Variants in CD9 observed in about 807,000 individuals in gnomAD.
The protein encoded by CD9 is CD9 antigen.
Under a neutral mutation model 31.4 loss-of-function variants are expected in CD9, and 10 were observed. That is an observed-to-expected ratio of 0.32 (90% CI 0.20 to 0.54). CD9 has a LOEUF of 0.54. CD9 is among the 20% of genes least tolerant of loss of function. The pLI, the probability that CD9 is intolerant of heterozygous loss-of-function variation, is 0.94. For missense variants in CD9, 259 were observed against 300.1 expected (o/e 0.86, Z 1.01); for synonymous variants, 113 against 114.1 (o/e 0.99, Z 0.06).
intron 5 of CD9, 28 bp from the exon 6 acceptor site, chr12:6,235,448 C>T (rs761171856): frequency 6.2e-6 from 10 of 1,613,508 alleles, no homozygotes; most frequent in Non-Finnish European, 8.5e-6. Flanking sequence ...TTGTTTCTCT[C>T]ATCCCCATCC....
chr12:6,226,028 A>G (rs981067112), intron 2 of CD9, among the ~76,000 whole-genome samples: 4 of 152,218 alleles, frequency 2.6e-5, no homozygotes, highest in African/African-American at 9.6e-5. Context: ...AGGAGAGACT[A>G]GAATGGACTC....
At chr12:6,226,189 C>T (rs1591974854) in intron 2 of CD9, 1 of 152,094 alleles carries the variant, frequency 6.6e-6, no homozygotes, top group African/African-American at 2.4e-5. Context: ...TGGCAGGTTT[C>T]TTTCTACACT....
chr12:6,219,565 A>T (rs1437287758), intron 1 of CD9, among the ~76,000 whole-genome samples: 1 of 151,054 alleles, frequency 6.6e-6, no homozygotes, highest in Non-Finnish European at 1.5e-5. Context: ...GGCTCACTGC[A>T]AGCTCCGCCT....
At position 6,232,963 on chromosome 12, in the gene CD9, T is replaced by A. The variant is rs1049788147; in HGVS notation, c.273+234T>A. ...CAACTAAAAGGACTATGTTTCCCCCTTTTCTCGAGGACCACGTTTGCTTTT... is the reference window on the plus strand; with the variant it reads ...CAACTAAAAGGACTATGTTTCCCCCATTTCTCGAGGACCACGTTTGCTTTT... On this transcript the variant is annotated intron_variant, in intron 3 of 7. Transcript: ENST00000009180. The surrounding 1 kb of genome is among the most constrained non-coding windows in gnomAD (Gnocchi z 4.8). 2.8e-6 allele frequency: 2 copies of A among 702,322 alleles called. No homozygotes were observed. The highest frequency in any genetic ancestry group is 2.0e-5 in the Admixed American group (1 of 49,990). 43.5% of individuals were successfully genotyped at this position (702,322 alleles called of 1,614,324 possible).
At chr12:6,210,412 GA>G (rs1946182505) in intron 1 of CD9, among the ~76,000 whole-genome samples, 1 of 152,208 alleles carries the variant, frequency 6.6e-6, no homozygotes, top group African/African-American at 2.4e-5. Context: ...GGGTGTGGCT[GA>G]AGCTCTCAGG....
At chr12:6,234,514 C>CTGT (rs1946490891) in intron 4 of CD9, 1 of 151,660 alleles carries the variant, frequency 6.6e-6, no homozygotes, top group Non-Finnish European at 1.5e-5. Flanking sequence ...ACAGCTACAG[C>CTGT]CATAGAAATA....
rs111944230 is a variant in CD9, at chr12:6,207,952, C to T, written c.66+7387C>T. ...GAAAAGTAACCCTTCAGGCCAGGCG[C>T]GGTGGCTCACGCCTATAATCCCAGC... On this transcript the variant is annotated intron_variant, in intron 1 of 7. Transcript: ENST00000009180. Among the ~76,000 whole-genome samples the T allele has an allele frequency of 6.6e-5, 10 of 152,262 alleles. 1 individual carries two copies. Among genetic ancestry groups the T allele is most frequent in the African/African-American group, 1.7e-4 (7 of 41,562 alleles).
chr12:6,226,915 C>T (rs1232748903), intron 2 of CD9, among the ~76,000 whole-genome samples: 1 of 152,154 alleles, frequency 6.6e-6, no homozygotes, highest in Admixed American at 6.5e-5. Flanking sequence ...ACACTCCACG[C>T]CGTGTTCCAG....
intron 1 of CD9, among the ~76,000 whole-genome samples, chr12:6,207,755 G>T (rs183739538): frequency 3.5e-4 from 53 of 152,346 alleles, no homozygotes; most frequent in African/African-American, 1.2e-3. Flanking sequence ...GCCTGACTTG[G>T]AGAGGGGCCC....
intron 2 of CD9, among the ~76,000 whole-genome samples, chr12:6,228,351 A>C (rs1946396235): frequency 1.3e-5 from 2 of 152,106 alleles, no homozygotes; most frequent in Non-Finnish European, 2.9e-5. Flanking sequence ...CAGGAGTTCG[A>C]CACCAGCCTG....
rs11568281 is a variant in CD9 at position 6,213,690 on chromosome 12, G to A, written c.67-11736G>A. Among the ~76,000 whole-genome samples, 1,368 of 152,220 alleles carry A rather than the reference G, an allele frequency of 9.0e-3. 8 individuals carry two copies. Among genetic ancestry groups the A allele is most frequent in the Non-Finnish European group, 0.013 (895 of 67,998 alleles). On this transcript the variant is annotated intron_variant, in intron 1 of 7. Transcript: ENST00000009180. ...AGGTCCCAGAGAGATGCAGAGCCACGGTCACCATTGCTTGTGTAGACACCA... is the reference window on the plus strand; with the variant it reads ...AGGTCCCAGAGAGATGCAGAGCCACAGTCACCATTGCTTGTGTAGACACCA...
At chr12:6,233,110 G>A (rs1946471624) in intron 3 of CD9, 1 of 700,156 alleles carries the variant, frequency 1.4e-6, no homozygotes, top group East Asian at 2.7e-5. Context: ...TGTCTTTTGT[G>A]AACAATAGTA....
intron 2 of CD9, among the ~76,000 whole-genome samples, chr12:6,228,213 G>A (rs1299738377): frequency 3.9e-5 from 6 of 152,208 alleles, no homozygotes; most frequent in African/African-American, 2.4e-5. Context: ...CGGCAAGGGG[G>A]ATGATGCACG....
chr12:6,235,979 G>A (rs531529036), intron 6 of CD9: 82 of 1,417,100 alleles, frequency 5.8e-5, no homozygotes, highest in African/African-American at 1.7e-4. Context: ...CTTCCCTGAC[G>A]TCCTGCCCAG....
intron 1 of CD9, among the ~76,000 whole-genome samples, chr12:6,222,466 C>A (rs1049475639): frequency 2.6e-5 from 4 of 152,186 alleles, no homozygotes; most frequent in African/African-American, 4.8e-5. Context: ...GCTTTTCCTT[C>A]CTGGTTGTAG....
In CD9 at chr12:6,238,105, G is replaced by A. The variant is rs974087996; in HGVS notation, c.*277G>A. On this transcript the variant is annotated 3_prime_UTR_variant, in exon 8 of 8. Coordinates refer to ENST00000009180, the MANE Select transcript of CD9 (RefSeq NM_001769.4). ...GCTTGTTATATTAAGCAGAAATCCT[G>A]CAATGAAAGGTACTATATTTGCTAG... The A allele has an allele frequency of 9.1e-6, 3 of 329,270 alleles. No individual in the cohort carries two copies. The East Asian group carries it at 2.0e-4, about 22-fold the overall frequency. The allele number at this position is 329,270 out of a possible 1,614,324, so 20.4% of individuals were successfully genotyped here.
chr12:6,205,326 C>G (rs1019427819), intron 1 of CD9, among the ~76,000 whole-genome samples: 2 of 152,214 alleles, frequency 1.3e-5, no homozygotes, highest in African/African-American at 4.8e-5. Flanking sequence ...GAGGATTCCT[C>G]TGCACACGCT....
chr12:6,237,581 C>T (rs751936952), intron 7 of CD9, among the ~76,000 whole-genome samples, 182 bp from the exon 8 acceptor site: 8 of 152,196 alleles, frequency 5.3e-5, no homozygotes, highest in Non-Finnish European at 1.0e-4. Flanking sequence ...CCTCACGTCC[C>T]GCACCCTTCT....
At chr12:6,217,092 T>C (rs1226828301) in intron 1 of CD9, among the ~76,000 whole-genome samples, 1 of 152,096 alleles carries the variant, frequency 6.6e-6, no homozygotes, top group Non-Finnish European at 1.5e-5. Flanking sequence ...GTCAGAGAGC[T>C]CCTAGGTAGC....
Sources: gnomAD v4.1 joint callset for allele counts (sites outside exome capture counted in the v4.1 genomes callset) on GRCh38, gnomAD v4.1.1 for gene constraint, Gnocchi (gnomAD v3.1) non-coding constraint, MANE v1.5 for transcripts, NCBI Gene and HGNC (gene_info 2026-07-23, HGNC 2026-07-21) for gene names.